Variants in SLC26A9 observed in about 807,000 individuals in gnomAD.
SLC26A9 encodes the protein solute carrier family 26 member 9, also known as anion transporter/exchanger protein 9.
A neutral mutation model predicts 87.1 loss-of-function variants in SLC26A9; 46 were observed. That is an observed-to-expected ratio of 0.53 (90% CI 0.42 to 0.67). The LOEUF (loss-of-function observed/expected upper bound fraction) is 0.67, where lower values mean the gene tolerates loss of function less well. SLC26A9 is among the 30% of genes least tolerant of loss of function. SLC26A9 has a pLI of 0.00. For missense variants in SLC26A9, 927 were observed against 1,018.3 expected (o/e 0.91, Z 1.22); for synonymous variants, 437 against 409.1 (o/e 1.07, Z -0.82).
chr1:205,935,956 T>A (rs1376191113), intron 1 of SLC26A9, 118 bp from the exon 2 acceptor site: 3 of 1,224,328 alleles, frequency 2.5e-6, no homozygotes, highest in Non-Finnish European at 3.3e-6. Context: ...CCCGCCCCGA[T>A]AAAGCAAGGT....
At chr1:205,929,090 A>G in intron 7 of SLC26A9, 114 bp downstream of exon 7, 1 of 1,515,876 alleles carries the variant, frequency 6.6e-7, no homozygotes, top group Non-Finnish European at 9.0e-7. Flanking sequence ...TGGATTCACA[A>G]CTGACTTCCT....
chr1:205,916,253 C>T lies in SLC26A9; in HGVS notation c.2329-849G>A, dbSNP rs562991427. 7.2e-5 allele frequency among the ~76,000 whole-genome samples: 11 copies of T among 152,294 alleles called. No individual in the cohort carries two copies. The East Asian group carries it at 1.2e-3, about 16-fold the overall frequency. ...CTGGGACTACAGGCATGCACCACTA[C>T]GCCTGGCTAATTTTTGTGCTTTTAG... On this transcript the variant is annotated intron_variant, in intron 20 of 20. Coordinates refer to ENST00000367135, the MANE Select transcript of SLC26A9 (RefSeq NM_052934.4).
intron 20 of SLC26A9, 139 bp from the exon 21 acceptor site, chr1:205,915,543 T>C: frequency 9.4e-7 from 1 of 1,064,524 alleles, no homozygotes. Flanking sequence ...TGTGTGTGTG[T>C]GTGTGCGAGA....
Position 205,923,319 on chromosome 1 carries a change from A to G in SLC26A9, c.1659+16T>C. 1.2e-6 allele frequency: 2 copies of G among 1,613,952 alleles called. No individual in the cohort carries two copies. The highest frequency in any genetic ancestry group is 8.5e-7 in the Non-Finnish European group (1 of 1,179,880). ...TCTCTGTCCAGAGCCTCTGGTCGCC[A>G]GGGACTGAGCCTTACCTTGGCGATG... On this transcript the variant is annotated intron_variant, in intron 15 of 20. Transcript: ENST00000367135.
intron 2 of SLC26A9, among the ~76,000 whole-genome samples, chr1:205,934,835 C>T (rs1320703196): frequency 1.3e-5 from 2 of 152,178 alleles, no homozygotes; most frequent in Non-Finnish European, 2.9e-5. Flanking sequence ...AATGGAGCCT[C>T]CCAAGAGAAA....
intron 13 of SLC26A9, among the ~76,000 whole-genome samples, chr1:205,924,107 T>G (rs1658964500): frequency 6.6e-6 from 1 of 152,160 alleles, no homozygotes; most frequent in African/African-American, 2.4e-5. Flanking sequence ...CCACCTGCCC[T>G]TGCCCTCCTT....
Position 205,918,989 on chromosome 1 carries a change from G to C in SLC26A9, c.2111-4C>G, listed in dbSNP as rs1027973210. On this transcript the variant is annotated splice_region_variant and splice_polypyrimidine_tract_variant and intron_variant, in intron 18 of 20. Coordinates refer to ENST00000367135, the MANE Select transcript of SLC26A9 (RefSeq NM_052934.4). ...CTAATGTCATTGTACACCTGGGCTA[G>C]AAGGAGAAAAGATCACCTTCAGAAA... The C allele has an allele frequency of 1.2e-6, 2 of 1,613,828 alleles. No individual in the cohort carries two copies. The highest frequency in any genetic ancestry group is 2.7e-5 in the African/African-American group (2 of 74,950).
At chr1:205,938,786 G>T (rs1328903248) in intron 1 of SLC26A9, among the ~76,000 whole-genome samples, 1 of 152,114 alleles carries the variant, frequency 6.6e-6, no homozygotes, top group Non-Finnish European at 1.5e-5. Context: ...AACCCTGAAG[G>T]ATTTCTCTTT....
intron 13 of SLC26A9, 97 bp downstream of exon 13, chr1:205,924,285 AG>A (rs1244154208): frequency 4.4e-5 from 49 of 1,121,118 alleles, no homozygotes; most frequent in Non-Finnish European, 6.4e-5. Flanking sequence ...CAGAGGTGGA[AG>A]GTACAGTGGA....
chr1:205,919,878 G>A (rs1279111753), intron 18 of SLC26A9, among the ~76,000 whole-genome samples: 1 of 152,168 alleles, frequency 6.6e-6, no homozygotes, highest in Non-Finnish European at 1.5e-5. Flanking sequence ...GAGAGATAAA[G>A]TGACTCGGCC....
Position 205,926,616 on chromosome 1 carries a change from G to A in SLC26A9, c.1308C>T (p.Ala436=). 1 of 1,614,020 alleles carries A rather than the reference G, an allele frequency of 6.2e-7. No homozygotes were observed. Among genetic ancestry groups the A allele is most frequent in the Non-Finnish European group, 8.5e-7 (1 of 1,179,962 alleles). ...LYPLPKSVLG[A]LIAVNLKNSL... ...AGTTCTTGAGATTGACAGCGATCAG[G>A]GCTCCTAGCACAGACTAGAGAAGCA... Residue 436 remains alanine (A), a synonymous_variant, in exon 12 of 21, where the codon GCC becomes GCT. Coordinates refer to ENST00000367135, the MANE Select transcript of SLC26A9 (RefSeq NM_052934.4).
In SLC26A9 at chr1:205,924,242, C is replaced by T. The variant is rs2102581075; in HGVS notation, c.1496+141G>A. On this transcript the variant is annotated intron_variant, in intron 13 of 20. Transcript: ENST00000367135. ...CACAGTCCTGGCTGGGTTGGGCTCT[C>T]TTTGGGCCTGGCAGCACCTCCAGTG... 4.1e-6 allele frequency: 3 copies of T among 739,626 alleles called. No individual in the cohort carries two copies. In the South Asian group the frequency reaches 5.6e-5, roughly 14 times the overall value. 45.8% of individuals were successfully genotyped at this position (739,626 alleles called of 1,614,324 possible).
chr1:205,920,023 T>G (rs1352491928), intron 18 of SLC26A9, among the ~76,000 whole-genome samples, 153 bp downstream of exon 18: 1 of 152,154 alleles, frequency 6.6e-6, no homozygotes, highest in African/African-American at 2.4e-5. Context: ...CTCTTTGGAC[T>G]TGTACCTGAA....
intron 5 of SLC26A9, 76 bp from the exon 6 acceptor site, chr1:205,930,132 A>C: frequency 6.8e-7 from 1 of 1,479,792 alleles, no homozygotes; most frequent in Non-Finnish European, 9.1e-7. Context: ...CCCCACACAC[A>C]CGCAGGTCTG....
chr1:205,924,027 C>T (rs182983087), intron 13 of SLC26A9, among the ~76,000 whole-genome samples: 12 of 152,274 alleles, frequency 7.9e-5, no homozygotes, highest in East Asian at 7.7e-4. Context: ...TCCACCCTGG[C>T]GCTCTCCTGG....
rs1442613812 is a variant in SLC26A9 at position 205,915,297 on chromosome 1, C to A, written c.*60G>T. 4 of 1,612,244 alleles carry A rather than the reference C, an allele frequency of 2.5e-6. No individual in the cohort carries two copies. The Admixed American group carries it at 6.7e-5, about 27-fold the overall frequency. On this transcript the variant is annotated 3_prime_UTR_variant, in exon 21 of 21. Coordinates refer to ENST00000367135, the MANE Select transcript of SLC26A9 (RefSeq NM_052934.4). ...ACACCCCCTGTGACCCCAGGCTCATCCTTTATGGAAGTCCCAAGTGCCAGG... is the reference window on the plus strand; with the variant it reads ...ACACCCCCTGTGACCCCAGGCTCATACTTTATGGAAGTCCCAAGTGCCAGG...
chr1:205,917,378 G>A, intron 19 of SLC26A9, 24 bp from the exon 20 acceptor site: 1 of 1,613,438 alleles, frequency 6.2e-7, no homozygotes. Context: ...AGCCAGTGCA[G>A]AATGAGCTTC....
At chr1:205,925,648 G>A (rs1659034987) in intron 12 of SLC26A9, among the ~76,000 whole-genome samples, 1 of 152,168 alleles carries the variant, frequency 6.6e-6, no homozygotes, top group Admixed American at 6.5e-5. Flanking sequence ...GGGTGAGACT[G>A]CCTTCCCTAT....
Position 205,935,634 on chromosome 1 carries a change from G to C in SLC26A9, c.125+62C>G, listed in dbSNP as rs1206800899. The C allele has an allele frequency of 3.7e-6, 6 of 1,605,740 alleles. No homozygotes were observed. The East Asian group carries it at 1.3e-4, about 36-fold the overall frequency. Reference sequence around the variant, plus strand: ...GATACCAGTGCAGAAGCCGTGTCCTGGTGCAGAAAGGATTTTGGTAGGGAG... The same window carrying C: ...GATACCAGTGCAGAAGCCGTGTCCTCGTGCAGAAAGGATTTTGGTAGGGAG... On this transcript the variant is annotated intron_variant, in intron 2 of 20. Coordinates refer to ENST00000367135, the MANE Select transcript of SLC26A9 (RefSeq NM_052934.4).
Sources: allele counts gnomAD v4.1 joint callset (sites outside exome capture counted in the v4.1 genomes callset), GRCh38; gene constraint gnomAD v4.1.1; transcripts MANE v1.5; gene names NCBI Gene and HGNC (gene_info 2026-07-23, HGNC 2026-07-21).